DIAPH1: variants seen among roughly 807,000 people sequenced by gnomAD.
The protein encoded by DIAPH1 is protein diaphanous homolog 1.
In DIAPH1, 46 loss-of-function variants were observed where a neutral mutation model predicts 140.7. The ratio of observed to expected loss-of-function variants is 0.33; its 90% CI spans 0.26 to 0.42. The LOEUF (loss-of-function observed/expected upper bound fraction) is 0.42. DIAPH1 is among the 10% of genes least tolerant of loss of function. DIAPH1 has a pLI of 1.00. For synonymous variants in DIAPH1, 565 were observed against 551.6 expected (o/e 1.02, Z -0.34); for missense variants, 1,310 against 1,558.7 (o/e 0.84, Z 2.69).
At chr5:141,525,739 C>A (rs929164131) in intron 26 of DIAPH1, among the ~76,000 whole-genome samples, 9 of 151,986 alleles carry the variant, frequency 5.9e-5, no homozygotes, top group African/African-American at 2.2e-4. Flanking sequence ...GCCAGAGGAA[C>A]CTTTGGATGG....
At chr5:141,569,927 C>T (rs1444559724) in intron 18 of DIAPH1, among the ~76,000 whole-genome samples, 1 of 152,092 alleles carries the variant, frequency 6.6e-6, no homozygotes, top group Non-Finnish European at 1.5e-5. Context: ...GCTTGAAATT[C>T]CTTATCTGAC....
At chr5:141,524,394 A>C in intron 26 of DIAPH1, 165 bp from the exon 27 acceptor site, 1 of 697,848 alleles carries the variant, frequency 1.4e-6, no homozygotes, top group Non-Finnish European at 2.6e-6. Flanking sequence ...TCACACGCTC[A>C]TGTTTACTTG....
chr5:141,546,959 T>C (rs2099890892), intron 18 of DIAPH1, among the ~76,000 whole-genome samples: 1 of 152,248 alleles, frequency 6.6e-6, no homozygotes, highest in Non-Finnish European at 1.5e-5. Flanking sequence ...ATGCAATGCC[T>C]GGGCATTTAA....
intron 27 of DIAPH1, among the ~76,000 whole-genome samples, chr5:141,523,483 A>G (rs904644705): frequency 6.6e-6 from 1 of 152,282 alleles, no homozygotes; most frequent in Admixed American, 6.5e-5. Flanking sequence ...TAGCTCCATA[A>G]TTCTTTTTAG....
chr5:141,536,845 T>C (rs750012447), intron 18 of DIAPH1, among the ~76,000 whole-genome samples: 21 of 151,776 alleles, frequency 1.4e-4, no homozygotes, highest in Non-Finnish European at 1.0e-4. Flanking sequence ...GAGCAGGAGA[T>C]GAAGTGAGAG....
intron 1 of DIAPH1, chr5:141,618,464 C>T (rs753660340): frequency 8.7e-6 from 2 of 229,724 alleles, no homozygotes; most frequent in Non-Finnish European, 1.7e-5. Context: ...GAGGCGTGTT[C>T]GGGTACTGGA....
At chr5:141,573,203 G>A (rs1023089063) in intron 16 of DIAPH1, among the ~76,000 whole-genome samples, 8 of 152,016 alleles carry the variant, frequency 5.3e-5, no homozygotes, top group Admixed American at 1.3e-4. Flanking sequence ...TTGGGAGGCC[G>A]AGACGGGCGG....
At chr5:141,544,695 C>A (rs1476161922) in intron 18 of DIAPH1, among the ~76,000 whole-genome samples, 2 of 152,146 alleles carry the variant, frequency 1.3e-5, no homozygotes, top group Non-Finnish European at 2.9e-5. Context: ...AAAGTCTAAC[C>A]TTTTAAAATC....
intron 3 of DIAPH1, among the ~76,000 whole-genome samples, chr5:141,586,683 G>T (rs1436235689): frequency 3.9e-5 from 6 of 152,174 alleles, no homozygotes; most frequent in Admixed American, 3.9e-4. Flanking sequence ...TACAGAGTTT[G>T]TTGTGAATAC....
chr5:141,589,639 T>C (rs1016740151), intron 1 of DIAPH1, among the ~76,000 whole-genome samples: 50 of 4,996 alleles, frequency 0.01, no homozygotes, highest in African/African-American at 0.051. Context: ...AGTGGTTACT[T>C]GGGGTGGGTG....
chr5:141,551,502 C>T (rs1336788939), intron 18 of DIAPH1, among the ~76,000 whole-genome samples: 1 of 152,022 alleles, frequency 6.6e-6, no homozygotes, highest in East Asian at 1.9e-4. Flanking sequence ...AAATACTATA[C>T]TCACATACAC....
chr5:141,577,663 T>C (rs1194888458), intron 11 of DIAPH1, 72 bp from the exon 12 acceptor site: 2 of 979,978 alleles, frequency 2.0e-6, no homozygotes, highest in Non-Finnish European at 3.3e-6. Flanking sequence ...TATTTAACTC[T>C]TGAAAAAGCT....
intron 21 of DIAPH1, 30 bp from the exon 22 acceptor site, chr5:141,528,971 A>G: frequency 4.3e-6 from 7 of 1,613,664 alleles, no homozygotes; most frequent in Non-Finnish European, 5.9e-6. Context: ...GTTCCATTAC[A>G]GTCAAAAGAG....
chr5:141,575,973 A>C (rs576669792), intron 14 of DIAPH1, among the ~76,000 whole-genome samples: 1 of 152,212 alleles, frequency 6.6e-6, no homozygotes, highest in Non-Finnish European at 1.5e-5. Context: ...TTACTATTAC[A>C]TGAGTATCAT....
chr5:141,541,043 T>G (rs1311262607), intron 18 of DIAPH1, among the ~76,000 whole-genome samples: 1 of 151,910 alleles, frequency 6.6e-6, no homozygotes, highest in Non-Finnish European at 1.5e-5. Context: ...TTGGGCTATT[T>G]CATCAAATAT....
In DIAPH1 at chr5:141,529,391, T is replaced by C. The variant is rs2099887871; in HGVS notation, c.2677-118A>G. 47 of 971,270 alleles carry C rather than the reference T, an allele frequency of 4.8e-5. 2 individuals are homozygous for C. In the South Asian group the frequency reaches 5.8e-4, roughly 12 times the overall value. 60.2% of individuals were successfully genotyped at this position (971,270 alleles called of 1,614,324 possible). ...CTCAAGGACCATACAGAAAGAAACA[T>C]ATGGTGGGAGAAGAGAGGCAGCTAC... On this transcript the variant is annotated intron_variant, in intron 20 of 27. Coordinates refer to ENST00000389054, the MANE Select transcript of DIAPH1 (RefSeq NM_005219.5).
chr5:141,516,105 T>C lies in DIAPH1; in HGVS notation c.*746A>G, dbSNP rs995289378. On this transcript the variant is annotated 3_prime_UTR_variant, in exon 28 of 28. Coordinates refer to ENST00000389054, the MANE Select transcript of DIAPH1 (RefSeq NM_005219.5). ...GGGAAGGTGGCTCAGTAGCCTGGGG[T>C]TGGTGCAGAGCGTCCAGAGAGGCAA... is the stretch of plus-strand genomic sequence containing the variant. 3 of 154,524 alleles carry C rather than the reference T, an allele frequency of 1.9e-5. No individual in the cohort carries two copies. The highest frequency in any genetic ancestry group is 6.4e-5 in the Admixed American group (1 of 15,714). 9.6% of individuals were successfully genotyped at this position (154,524 alleles called of 1,614,324 possible). A position where few individuals can be genotyped will look rare whatever the true frequency, so the allele number is the denominator to read the frequency against.
At chr5:141,617,112 A>T (rs921091012) in intron 1 of DIAPH1, among the ~76,000 whole-genome samples, 1 of 152,180 alleles carries the variant, frequency 6.6e-6, no homozygotes, top group African/African-American at 2.4e-5. Context: ...GTCAAACAGT[A>T]CTCATGGAAA....
At chr5:141,593,311 A>G (rs2099898774) in intron 1 of DIAPH1, among the ~76,000 whole-genome samples, 1 of 152,158 alleles carries the variant, frequency 6.6e-6, no homozygotes, top group East Asian at 1.9e-4. Flanking sequence ...CTTCCAGCAG[A>G]GGTCTGGAAG....
Sources: allele counts gnomAD v4.1 joint callset (sites outside exome capture counted in the v4.1 genomes callset), GRCh38; gene constraint gnomAD v4.1.1; transcripts MANE v1.5; gene names NCBI Gene and HGNC (gene_info 2026-07-23, HGNC 2026-07-21).